The following POU2F1 variants were observed in gnomAD, a reference collection of about 807,000 sequenced individuals.
POU2F1 encodes POU class 2 homeobox 1.
A neutral mutation model predicts 84.9 loss-of-function variants in POU2F1; 16 were observed. The observed-to-expected ratio is 0.19, with a 90% CI of 0.13 to 0.29. The LOEUF (loss-of-function observed/expected upper bound fraction) is 0.29. Ranked by LOEUF, POU2F1 falls within the 10% of genes least tolerant of loss-of-function variation. The pLI, the probability that POU2F1 is intolerant of heterozygous loss-of-function variation, is 1.00. For missense variants in POU2F1, 738 were observed against 942.6 expected (o/e 0.78, Z 2.84); for synonymous variants, 368 against 368.3 (o/e 1.00, Z 0.01).
rs770338185 is a variant in POU2F1, at chr1:167,399,172, T to A, written c.1270-14T>A. 2 of 1,590,008 alleles carry A rather than the reference T, an allele frequency of 1.3e-6. No homozygotes were observed. The highest frequency in any genetic ancestry group is 1.7e-6 in the Non-Finnish European group (2 of 1,167,520). On this transcript the variant is annotated splice_polypyrimidine_tract_variant and intron_variant, in intron 11 of 15. Coordinates refer to ENST00000367866, the MANE Select transcript of POU2F1 (RefSeq NM_002697.4). ...AAAGGATAGCTTTTGGAATTACATC[T>A]TTTCACCCTGCAGAATCAAAAGCCT... is the stretch of plus-strand genomic sequence containing the variant.
At chr1:167,309,529 C>CTGTG (rs990928898) in intron 1 of POU2F1, among the ~76,000 whole-genome samples, 6 of 152,120 alleles carry the variant, frequency 3.9e-5, no homozygotes, top group African/African-American at 1.4e-4. Context: ...GGATGCCTGC[C>CTGTG]TTACTCAGCC....
intron 1 of POU2F1, among the ~76,000 whole-genome samples, chr1:167,326,147 T>C (rs1049631657): frequency 5.9e-5 from 9 of 152,160 alleles, no homozygotes; most frequent in African/African-American, 1.9e-4. Flanking sequence ...TTTTATCATT[T>C]ATTGGCCTCT....
At position 167,398,050 on chromosome 1, in the gene POU2F1, A is replaced by G. The variant is rs199628925; in HGVS notation, c.1186A>G (p.Ile396Val). Residue 396 changes from isoleucine (I) to valine (V), a missense_variant, in exon 11 of 16, where the codon ATT becomes GTT. Coordinates refer to ENST00000367866, the MANE Select transcript of POU2F1 (RefSeq NM_002697.4). ...SSPSALNSPG[I>V]EGLSRRRKKR... Reference sequence around the variant, plus strand: ...CCCAAGTGCCCTGAATTCTCCAGGAATTGAGGGCTTGAGCCGTAGGAGGAA... The same window carrying G: ...CCCAAGTGCCCTGAATTCTCCAGGAGTTGAGGGCTTGAGCCGTAGGAGGAA... 4.7e-4 allele frequency: 752 copies of G among 1,613,902 alleles called. No individual in the cohort carries two copies. Among genetic ancestry groups the G allele is most frequent in the Non-Finnish European group, 6.0e-4 (704 of 1,179,922 alleles).
At chr1:167,383,994 T>G in intron 8 of POU2F1, 43 bp downstream of exon 8, 1 of 1,491,604 alleles carries the variant, frequency 6.7e-7, no homozygotes, top group Non-Finnish European at 9.1e-7. Context: ...TATCATATTG[T>G]TTGGGGAGAC....
intron 1 of POU2F1, among the ~76,000 whole-genome samples, chr1:167,323,604 A>C (rs886281372): frequency 3.9e-5 from 6 of 152,198 alleles, no homozygotes; most frequent in African/African-American, 1.4e-4. Flanking sequence ...TATGTCTACC[A>C]GTTGAGTTGT....
rs187821866 is a variant in POU2F1, at chr1:167,391,115, A to G, written c.987+1354A>G. ...TTGATTAACCTGTCATAAATAATATATTTTTTTAGAGACAGGGTCTCGCTA... is the reference window on the plus strand; with the variant it reads ...TTGATTAACCTGTCATAAATAATATGTTTTTTTAGAGACAGGGTCTCGCTA... On this transcript the variant is annotated intron_variant, in intron 9 of 15. Coordinates refer to ENST00000367866, the MANE Select transcript of POU2F1 (RefSeq NM_002697.4). Among the ~76,000 whole-genome samples the G allele has an allele frequency of 7.5e-3, 1,141 of 152,140 alleles. 9 individuals carry two copies. The highest frequency in any genetic ancestry group is 9.3e-3 in the Non-Finnish European group (629 of 67,970).
chr1:167,374,001 T>C, intron 5 of POU2F1, 107 bp from the exon 6 acceptor site: 1 of 997,236 alleles, frequency 1.0e-6, no homozygotes, highest in Non-Finnish European at 1.6e-6. Context: ...TGAAGTTGGG[T>C]AGCTGGGGAC....
chr1:167,386,096 G>C (rs556029712), intron 8 of POU2F1, among the ~76,000 whole-genome samples: 1 of 152,160 alleles, frequency 6.6e-6, no homozygotes, highest in African/African-American at 2.4e-5. Flanking sequence ...ACAAAACCAA[G>C]TGTTGGCAAG....
intron 1 of POU2F1, among the ~76,000 whole-genome samples, chr1:167,245,019 G>GA (rs749814099): frequency 3.9e-5 from 6 of 151,988 alleles, no homozygotes; most frequent in Non-Finnish European, 8.8e-5. Context: ...GTGAATGTTA[G>GA]AAAAAATAAA....
At chr1:167,342,786 T>A (rs996061393) in intron 2 of POU2F1, among the ~76,000 whole-genome samples, 1 of 152,230 alleles carries the variant, frequency 6.6e-6, no homozygotes, top group East Asian at 1.9e-4. Flanking sequence ...CTGCTTTTAT[T>A]ATTATTTTAA....
At chr1:167,259,822 G>C (rs1339983757) in intron 1 of POU2F1, among the ~76,000 whole-genome samples, 1 of 151,894 alleles carries the variant, frequency 6.6e-6, no homozygotes, top group Admixed American at 6.6e-5. Context: ...GGTATAATTT[G>C]TATTTTCTTT....
intron 8 of POU2F1, among the ~76,000 whole-genome samples, chr1:167,388,127 T>A (rs1226769764): frequency 6.6e-6 from 1 of 152,200 alleles, no homozygotes; most frequent in African/African-American, 2.4e-5. Context: ...AGGATCTCTC[T>A]AAGGATAAGG....
intron 1 of POU2F1, among the ~76,000 whole-genome samples, chr1:167,263,797 C>T (rs1229335741): frequency 6.6e-6 from 1 of 152,122 alleles, no homozygotes; most frequent in Non-Finnish European, 1.5e-5. Flanking sequence ...CTTGTGATTT[C>T]CTACTTCTTT....
At chr1:167,359,558 A>C (rs1200744886) in intron 2 of POU2F1, among the ~76,000 whole-genome samples, 2 of 152,172 alleles carry the variant, frequency 1.3e-5, no homozygotes, top group African/African-American at 4.8e-5. Context: ...CATATGTACC[A>C]TATTTTCTTT....
intron 15 of POU2F1, among the ~76,000 whole-genome samples, chr1:167,414,966 G>A (rs866581321): frequency 5.9e-5 from 9 of 152,276 alleles, no homozygotes; most frequent in Middle Eastern, 3.4e-3. Context: ...TTGTGGTGGC[G>A]TGGTTTCTGG....
At chr1:167,397,848 A>G (rs1648920684) in intron 10 of POU2F1, 146 bp from the exon 11 acceptor site, 1 of 836,166 alleles carries the variant, frequency 1.2e-6, no homozygotes, top group Non-Finnish European at 1.8e-6. Context: ...CCCGGCCAAT[A>G]AGCAATATTG....
chr1:167,290,377 A>G (rs1164295063), intron 1 of POU2F1, among the ~76,000 whole-genome samples: 2 of 152,186 alleles, frequency 1.3e-5, no homozygotes, highest in Non-Finnish European at 2.9e-5. Context: ...AGCCTGGGCG[A>G]CAGAGCAAGG....
chr1:167,401,710 A>T (rs1422822797), intron 13 of POU2F1, among the ~76,000 whole-genome samples, 154 bp downstream of exon 13: 1 of 152,246 alleles, frequency 6.6e-6, no homozygotes, highest in East Asian at 1.9e-4. Context: ...TCCTTTCCTT[A>T]AAAGCCTTCA....
At chr1:167,252,782 T>C (rs1650829173) in intron 1 of POU2F1, among the ~76,000 whole-genome samples, 1 of 152,262 alleles carries the variant, frequency 6.6e-6, no homozygotes, top group Admixed American at 6.5e-5. Context: ...CGTAACTGAC[T>C]GTGATAACTT....
Sources: gnomAD v4.1 joint callset for allele counts (sites outside exome capture counted in the v4.1 genomes callset) on GRCh38, gnomAD v4.1.1 for gene constraint, MANE v1.5 for transcripts, NCBI Gene and HGNC (gene_info 2026-07-23, HGNC 2026-07-21) for gene names.